SLC25A33: variants seen among roughly 807,000 people sequenced by gnomAD.
SLC25A33 encodes the protein bone marrow stromal cell mitochondrial carrier protein.
A neutral mutation model predicts 35.5 loss-of-function variants in SLC25A33; 15 were observed. The ratio of observed to expected loss-of-function variants is 0.42; its 90% CI spans 0.28 to 0.65. The LOEUF is 0.65. Ranked by LOEUF, SLC25A33 falls within the 30% of genes least tolerant of loss-of-function variation. The pLI is 0.20. For synonymous variants in SLC25A33, 136 were observed against 148.7 expected, an observed-to-expected ratio of 0.91 and a Z score of 0.62; for missense variants, 257 against 398.5, an observed-to-expected ratio of 0.64 and a Z score of 3.02.
chr1:9,549,695 A>G (rs1643235375), intron 1 of SLC25A33, among the ~76,000 whole-genome samples: 1 of 146,488 alleles, frequency 6.8e-6, no homozygotes, highest in Non-Finnish European at 1.5e-5. Flanking sequence ...AGATCGGCTC[A>G]CTGTAACCTC....
intron 1 of SLC25A33, among the ~76,000 whole-genome samples, chr1:9,546,566 A>G (rs910696381): frequency 6.6e-6 from 1 of 152,192 alleles, no homozygotes. Context: ...ATTAACGTCC[A>G]GGGTATTTCC....
intron 1 of SLC25A33, among the ~76,000 whole-genome samples, chr1:9,543,166 G>A (rs1028150956): frequency 6.7e-6 from 1 of 148,700 alleles, no homozygotes. Flanking sequence ...TTTTTGATAC[G>A]GAGTTTCAGT....
intron 5 of SLC25A33, chr1:9,576,753 C>T (rs1643666415): frequency 9.7e-7 from 1 of 1,027,296 alleles, no homozygotes; most frequent in South Asian, 1.3e-5. Context: ...TTGTTGAAAT[C>T]CGAAATTTCT....
chr1:9,553,386 A>G (rs1277636846), intron 1 of SLC25A33, among the ~76,000 whole-genome samples: 1 of 150,666 alleles, frequency 6.6e-6, no homozygotes, highest in Non-Finnish European at 1.5e-5. Flanking sequence ...CACCACGCCC[A>G]GCTAATTTTT....
At chr1:9,540,953 C>T (rs1262621451) in intron 1 of SLC25A33, among the ~76,000 whole-genome samples, 2 of 152,062 alleles carry the variant, frequency 1.3e-5, no homozygotes, top group African/African-American at 4.8e-5. Context: ...CATTCCCTTG[C>T]AACCCTTCCC....
At chr1:9,567,594 T>C (rs1231466428) in intron 3 of SLC25A33, among the ~76,000 whole-genome samples, 1 of 152,246 alleles carries the variant, frequency 6.6e-6, no homozygotes, top group Non-Finnish European at 1.5e-5. Context: ...ATTAATCTGC[T>C]ATCATTACTG....
chr1:9,555,320 A>G (rs189073814), intron 2 of SLC25A33, among the ~76,000 whole-genome samples: 214 of 151,880 alleles, frequency 1.4e-3, no homozygotes, highest in Non-Finnish European at 2.3e-3. Context: ...GGGTTTCACC[A>G]TGTTAGCCAG....
At chr1:9,567,168 T>A (rs141563139) in intron 2 of SLC25A33, 116 bp from the exon 3 acceptor site, 1 of 840,714 alleles carries the variant, frequency 1.2e-6, no homozygotes, top group South Asian at 1.7e-5. Flanking sequence ...GAGTCGAGCT[T>A]GACATCTCTC....
At chr1:9,564,339 G>GT (rs1643469117) in intron 2 of SLC25A33, among the ~76,000 whole-genome samples, 2 of 152,152 alleles carry the variant, frequency 1.3e-5, no homozygotes, top group Admixed American at 1.3e-4. Context: ...GTAAGGTGGT[G>GT]TAACCACTAT....
intron 3 of SLC25A33, among the ~76,000 whole-genome samples, chr1:9,569,488 G>C (rs1643559366): frequency 6.6e-6 from 1 of 152,150 alleles, no homozygotes; most frequent in African/African-American, 2.4e-5. Flanking sequence ...TGTAACCCTG[G>C]TAACCTGATG....
intron 1 of SLC25A33, among the ~76,000 whole-genome samples, chr1:9,541,809 G>GT (rs1250177384): frequency 4.1e-5 from 6 of 146,976 alleles, no homozygotes; most frequent in South Asian, 2.2e-4. Context: ...TTTGCTTTTT[G>GT]TTTTTTTTCA....
chr1:9,539,715 G>A lies in SLC25A33; in HGVS notation c.24G>A (p.Lys8=). 4.3e-6 allele frequency: 6 copies of A among 1,405,916 alleles called. No individual in the cohort carries two copies. Among genetic ancestry groups the A allele is most frequent in the Non-Finnish European group, 5.6e-6 (6 of 1,078,756 alleles). 87.1% of individuals were successfully genotyped at this position (1,405,916 alleles called of 1,614,324 possible). A position where few individuals can be genotyped will look rare whatever the true frequency, so the allele number is the denominator to read the frequency against. The change falls in exon 1 of 7, where the codon AAG becomes AAA. Residue 8 remains lysine (K), a synonymous_variant. Transcript: ENST00000302692. ...CCATGGCGACGGGCGGCCAGCAGAAGGAGAACACGCTGCTTCACCTCTTCG... is the reference window on the plus strand; with the variant it reads ...CCATGGCGACGGGCGGCCAGCAGAAAGAGAACACGCTGCTTCACCTCTTCG... MATGGQQ[K]ENTLLHLFAG...
Position 9,582,595 on chromosome 1 carries a change from A to G in SLC25A33, c.*94A>G. 2 of 1,214,950 alleles carry G rather than the reference A, an allele frequency of 1.6e-6. No individual in the cohort carries two copies. Among genetic ancestry groups the G allele is most frequent in the Admixed American group, 2.4e-5 (1 of 40,946 alleles). 75.3% of individuals were successfully genotyped at this position (1,214,950 alleles called of 1,614,324 possible). ...TGTTTAGAAAGTTTGAGACTGAAAC[A>G]GGAAAGGCCATAAAATATCTGGTTC... On this transcript the variant is annotated 3_prime_UTR_variant, in exon 7 of 7. Transcript: ENST00000302692. This position sits in a 1 kb window ranked among gnomAD's most constrained non-coding sequence, Gnocchi z 4.0.
intron 2 of SLC25A33, among the ~76,000 whole-genome samples, chr1:9,564,735 A>ATATAT (rs1553146738): frequency 5.8e-5 from 4 of 69,522 alleles, no homozygotes; most frequent in African/African-American, 1.8e-4. Flanking sequence ...TAAAAAAAAA[A>ATATAT]AAAAATATAT....
chr1:9,554,593 A>C (rs912181835), intron 2 of SLC25A33, among the ~76,000 whole-genome samples: 1 of 152,172 alleles, frequency 6.6e-6, no homozygotes, highest in South Asian at 2.1e-4. Context: ...TCCCAACCTC[A>C]GGTGATCCGC....
intron 2 of SLC25A33, among the ~76,000 whole-genome samples, chr1:9,565,377 G>A (rs951402978): frequency 1.8e-4 from 27 of 151,982 alleles, no homozygotes; most frequent in African/African-American, 5.6e-4. Context: ...TTAGCTGGGC[G>A]TGGTGGTGGG....
chr1:9,555,384 T>C (rs985415651), intron 2 of SLC25A33, among the ~76,000 whole-genome samples: 7 of 151,984 alleles, frequency 4.6e-5, no homozygotes, highest in African/African-American at 7.2e-5. Context: ...TCCCAAAGTG[T>C]TGGGATTACA....
In SLC25A33 at chr1:9,582,162, C is replaced by T. The variant is rs905799856; in HGVS notation, c.764-137C>T. 12 of 836,902 alleles carry T rather than the reference C, an allele frequency of 1.4e-5. 1 individual carries two copies. The highest frequency in any genetic ancestry group is 6.8e-5 in the South Asian group (4 of 58,746). The allele number at this position is 836,902 out of a possible 1,614,324, so 51.8% of individuals were successfully genotyped here. On this transcript the variant is annotated intron_variant, in intron 6 of 6. Coordinates refer to ENST00000302692, the MANE Select transcript of SLC25A33 (RefSeq NM_032315.3). This position sits in a 1 kb window ranked among gnomAD's most constrained non-coding sequence, Gnocchi z 4.0. Reference sequence around the variant, plus strand: ...CTCCTGGCCTCAAGTGATCCACCCGCCTCGGCCTCCCAAAGTTCTGGGATT... The same window carrying T: ...CTCCTGGCCTCAAGTGATCCACCCGTCTCGGCCTCCCAAAGTTCTGGGATT...
intron 5 of SLC25A33, among the ~76,000 whole-genome samples, chr1:9,579,507 CAGA>C (rs70979765): frequency 0.04 from 6,068 of 152,266 alleles, 213 homozygotes; most frequent in Non-Finnish European, 0.055. Flanking sequence ...CGCAAGGATA[CAGA>C]AGAAGAGACA....
Sources: allele counts gnomAD v4.1 joint callset (sites outside exome capture counted in the v4.1 genomes callset), GRCh38; gene constraint gnomAD v4.1.1; non-coding constraint Gnocchi (gnomAD v3.1); transcripts MANE v1.5; gene names NCBI Gene and HGNC (gene_info 2026-07-23, HGNC 2026-07-21).